Variants in AKAIN1 observed in about 807,000 individuals in gnomAD.
AKAIN1 encodes A-kinase anchor protein inhibitor 1.
A neutral mutation model predicts 3.7 loss-of-function variants in AKAIN1; 3 were observed. The ratio of observed to expected loss-of-function variants is 0.82; its 90% confidence interval spans 0.37 to 2.12. AKAIN1 has a LOEUF of 2.12. AKAIN1 is among the 30% of genes most tolerant of loss of function. The probability of loss-of-function intolerance (pLI) is 0.06; values close to 1 mark genes in which losing one functional copy is unlikely to be tolerated. For missense variants in AKAIN1, 82 were observed against 82.7 expected (o/e 0.99, Z 0.03); for synonymous variants, 31 against 30.8 (o/e 1.01, Z -0.02).
chr18:5,184,045 C>A (rs1425776662), intron 1 of AKAIN1, among the ~76,000 whole-genome samples: 1 of 152,012 alleles, frequency 6.6e-6, no homozygotes, highest in African/African-American at 2.4e-5. Context: ...AAATATGAAA[C>A]ACATGGCACT....
At chr18:5,168,228 T>C (rs4255864) in intron 1 of AKAIN1, among the ~76,000 whole-genome samples, 87,764 of 151,974 alleles carry the variant, frequency 0.58, 25,705 homozygotes, top group African/African-American at 0.66. Flanking sequence ...CGAGGCTAAC[T>C]TGAAGGAAAC....
At chr18:5,181,141 A>C (rs1243109408) in intron 1 of AKAIN1, among the ~76,000 whole-genome samples, 3 of 151,790 alleles carry the variant, frequency 2.0e-5, no homozygotes, top group African/African-American at 7.3e-5. Flanking sequence ...AAAAAGTAAA[A>C]TTTAGCCAGG....
intron 1 of AKAIN1, among the ~76,000 whole-genome samples, chr18:5,188,927 C>A (rs2071302853): frequency 6.6e-6 from 1 of 152,178 alleles, no homozygotes; most frequent in Non-Finnish European, 1.5e-5. Flanking sequence ...GCTGACCTTA[C>A]AATTATGACT....
At chr18:5,155,240 G>A (rs1192291087) in intron 1 of AKAIN1, among the ~76,000 whole-genome samples, 1 of 152,164 alleles carries the variant, frequency 6.6e-6, no homozygotes, top group East Asian at 1.9e-4. Flanking sequence ...GTGAGTCTAT[G>A]CAGGCTGTGC....
intron 1 of AKAIN1, among the ~76,000 whole-genome samples, chr18:5,190,476 TC>T (rs946838587): frequency 6.6e-6 from 1 of 152,226 alleles, no homozygotes; most frequent in African/African-American, 2.4e-5. Flanking sequence ...ATTAATGACC[TC>T]CCTATGAACA....
chr18:5,166,560 C>T (rs1316775518), intron 1 of AKAIN1, among the ~76,000 whole-genome samples: 3 of 151,964 alleles, frequency 2.0e-5, no homozygotes, highest in African/African-American at 7.2e-5. Flanking sequence ...GAAATAAGAA[C>T]CATCTTTAAA....
At chr18:5,168,222 G>A (rs1183331578) in intron 1 of AKAIN1, among the ~76,000 whole-genome samples, 1 of 152,114 alleles carries the variant, frequency 6.6e-6, no homozygotes, top group Non-Finnish European at 1.5e-5. Flanking sequence ...AAGAGACGAG[G>A]CTAACTTGAA....
At chr18:5,166,089 TATTAA>T (rs1282417613) in intron 1 of AKAIN1, among the ~76,000 whole-genome samples, 12 of 152,102 alleles carry the variant, frequency 7.9e-5, no homozygotes, top group African/African-American at 2.9e-4. Flanking sequence ...CCCTGATTTC[TATTAA>T]ATTAATTACA....
intron 1 of AKAIN1, chr18:5,163,584 A>C (rs1209090728): frequency 1.3e-5 from 2 of 152,086 alleles, no homozygotes; most frequent in Non-Finnish European, 2.9e-5. Flanking sequence ...ACTGGTCAGA[A>C]ATACTGTCAA....
intron 1 of AKAIN1, among the ~76,000 whole-genome samples, chr18:5,164,951 G>C (rs749203068): frequency 2.6e-5 from 4 of 151,914 alleles, no homozygotes; most frequent in Non-Finnish European, 4.4e-5. Context: ...TATATCTAAA[G>C]GTAACTGAAT....
chr18:5,151,230 C>T (rs1169140031), intron 1 of AKAIN1, among the ~76,000 whole-genome samples: 1 of 152,156 alleles, frequency 6.6e-6, no homozygotes, highest in East Asian at 1.9e-4. Context: ...ATAGTATGAT[C>T]ATTTATCAAT....
intron 1 of AKAIN1, among the ~76,000 whole-genome samples, chr18:5,153,082 C>T (rs1288504720): frequency 1.3e-5 from 2 of 152,134 alleles, no homozygotes; most frequent in Non-Finnish European, 2.9e-5. Context: ...GAATTCTTGC[C>T]CTGGCCTTGA....
upstream of AKAIN1, chr18:5,197,353 A>G: frequency 7.9e-7 from 1 of 1,263,498 alleles, no homozygotes; most frequent in Non-Finnish European, 1.0e-6. This position sits in a 1 kb window ranked among gnomAD's most constrained non-coding sequence, Gnocchi z 6.9. Flanking sequence ...CTGCTTAGGG[A>G]GCAAAGCACT....
At position 5,144,052 on chromosome 18, in the gene AKAIN1, A is replaced by G. The variant is rs1445608660; in HGVS notation, c.*1510T>C. 6.6e-6 allele frequency among the ~76,000 whole-genome samples: 1 copy of G among 152,232 alleles called. No individual in the cohort carries two copies. The highest frequency in any genetic ancestry group is 1.5e-5 in the Non-Finnish European group (1 of 68,042). ...CTTGGCATGAATTCTGCTAAAAGAA[A>G]TACTTGTGAGTAAACAATCTTTAAA... On this transcript the variant is annotated 3_prime_UTR_variant, in exon 2 of 2. Coordinates refer to ENST00000434239, the MANE Select transcript of AKAIN1 (RefSeq NM_001145194.2).
At chr18:5,149,129 A>G (rs532416607) in intron 1 of AKAIN1, among the ~76,000 whole-genome samples, 15 of 152,172 alleles carry the variant, frequency 9.9e-5, no homozygotes, top group Non-Finnish European at 1.6e-4. Flanking sequence ...GCCAAACTAG[A>G]TGCGTGTTAA....
intron 1 of AKAIN1, among the ~76,000 whole-genome samples, chr18:5,170,474 C>T (rs980415375): frequency 2.0e-5 from 3 of 152,122 alleles, no homozygotes; most frequent in Admixed American, 6.6e-5. Flanking sequence ...AATAACGGGG[C>T]ATCCCTAGAA....
chr18:5,189,328 A>G (rs2071305478), intron 1 of AKAIN1, among the ~76,000 whole-genome samples: 1 of 152,194 alleles, frequency 6.6e-6, no homozygotes, highest in Non-Finnish European at 1.5e-5. Flanking sequence ...TAATCTCTCT[A>G]GCAAATGATG....
intron 1 of AKAIN1, among the ~76,000 whole-genome samples, chr18:5,149,170 G>A (rs1290440266): frequency 6.6e-6 from 1 of 152,166 alleles, no homozygotes; most frequent in Non-Finnish European, 1.5e-5. Context: ...ACTTCGTTTT[G>A]GATCACACAT....
Position 5,143,631 on chromosome 18 carries a change from C to A in AKAIN1, c.*1931G>T, listed in dbSNP as rs2071033077. ...TCATGGTTCCAAATAATGGTAAGAT[C>A]CACGTACAAAATGAGCCAAACGGCA... On this transcript the variant is annotated 3_prime_UTR_variant, in exon 2 of 2. Transcript: ENST00000434239. Among the ~76,000 whole-genome samples, 2 of 152,150 alleles carry A rather than the reference C, an allele frequency of 1.3e-5. No individual in the cohort carries two copies. Among genetic ancestry groups the A allele is most frequent in the Non-Finnish European group, 2.9e-5 (2 of 68,030 alleles).
Sources: gnomAD v4.1 joint callset for allele counts (sites outside exome capture counted in the v4.1 genomes callset) on GRCh38, gnomAD v4.1.1 for gene constraint, Gnocchi (gnomAD v3.1) non-coding constraint, MANE v1.5 for transcripts, NCBI Gene and HGNC (gene_info 2026-07-23, HGNC 2026-07-21) for gene names.